The following PRR11 variants were observed in gnomAD, a reference collection of about 807,000 sequenced individuals.
PRR11 encodes the protein proline-rich protein 11.
PRR11 carries 30 observed loss-of-function variants against 45.6 expected under a neutral mutation model. That is an observed-to-expected ratio of 0.66 (90% CI 0.49 to 0.89). The LOEUF is 0.89. Among genes scored for constraint, PRR11 ranks in the 40% least tolerant of loss-of-function variants. The pLI is 0.00. For missense variants in PRR11, 373 were observed against 424.8 expected, an observed-to-expected ratio of 0.88 and a Z score of 1.07; for synonymous variants, 128 against 153.5, an observed-to-expected ratio of 0.83 and a Z score of 1.23.
intron 3 of PRR11, 93 bp downstream of exon 3, chr17:59,185,297 G>A (rs2046808871): frequency 2.0e-6 from 3 of 1,526,676 alleles, no homozygotes; most frequent in Non-Finnish European, 2.7e-6. Context: ...CAACCCTCAA[G>A]CTAAACTTAG....
intron 5 of PRR11, among the ~76,000 whole-genome samples, 155 bp from the exon 6 acceptor site, chr17:59,194,602 C>T (rs1176635185): frequency 2.6e-5 from 4 of 152,014 alleles, no homozygotes; most frequent in East Asian, 1.9e-4. Flanking sequence ...GATAAAAATA[C>T]GATTATTCTT....
intron 4 of PRR11, among the ~76,000 whole-genome samples, chr17:59,186,381 ATTT>A (rs59082405): frequency 1.2e-5 from 1 of 84,610 alleles, no homozygotes; most frequent in Non-Finnish European, 2.3e-5. Context: ...GCTGTTTGTA[ATTT>A]TTTTTTTTTT....
At chr17:59,173,843 C>G (rs556249675) in intron 2 of PRR11, among the ~76,000 whole-genome samples, 87 of 152,300 alleles carry the variant, frequency 5.7e-4, no homozygotes, top group African/African-American at 2.0e-3. Flanking sequence ...CTCCTCTCCT[C>G]CTTCCTGGTG....
intron 2 of PRR11, among the ~76,000 whole-genome samples, chr17:59,174,045 T>A (rs2147840561): frequency 6.6e-6 from 1 of 152,326 alleles, no homozygotes; most frequent in South Asian, 2.1e-4. Context: ...CTCCTGTCCT[T>A]CATTCTATAG....
chr17:59,184,850 G>GTTTTTTT (rs5821252), intron 2 of PRR11, among the ~76,000 whole-genome samples: 2 of 72,692 alleles, frequency 2.8e-5, no homozygotes, highest in African/African-American at 6.1e-5. Flanking sequence ...GCCTGATTAA[G>GTTTTTTT]TTTTTTTTTT....
chr17:59,162,941 G>C (rs961119803), intron 1 of PRR11, among the ~76,000 whole-genome samples: 1 of 151,832 alleles, frequency 6.6e-6, no homozygotes, highest in Non-Finnish European at 1.5e-5. Flanking sequence ...TGTTGGTCAG[G>C]CTGGTCTTGA....
Position 59,180,510 on chromosome 17 carries a change from G to GTTTTTTTTTTT in PRR11, c.129-4536_129-4535insTTTTTTTTTTT, listed in dbSNP as rs1555716481. 2.5e-4 allele frequency among the ~76,000 whole-genome samples: 27 copies of GTTTTTTTTTTT among 108,640 alleles called. 2 individuals carry two copies. The highest frequency in any genetic ancestry group is 1.1e-3 in the African/African-American group (25 of 22,598). The allele number at this position is 108,640 out of a possible 152,430, so 71.3% of individuals were successfully genotyped here. ...GGCCCGTCCTTGTTTTTTTTTTTTT[G>GTTTTTTTTTTT]TTTTTTTTGTTTTTTTTGCCACAGG... is the stretch of plus-strand genomic sequence containing the variant. On this transcript the variant is annotated intron_variant, in intron 2 of 9. Transcript: ENST00000262293.
At chr17:59,172,178 T>C (rs1024114376) in intron 2 of PRR11, among the ~76,000 whole-genome samples, 3 of 152,240 alleles carry the variant, frequency 2.0e-5, no homozygotes, top group Non-Finnish European at 4.4e-5. Context: ...GTGTCTGCAC[T>C]GTGCCTTCAA....
intron 9 of PRR11, among the ~76,000 whole-genome samples, chr17:59,200,293 G>A (rs1351213933): frequency 6.6e-6 from 1 of 152,142 alleles, no homozygotes; most frequent in Non-Finnish European, 1.5e-5. Context: ...GACTATAGTG[G>A]TTTAATCAAA....
chr17:59,204,705 C>T lies in PRR11; in HGVS notation c.*3074C>T, dbSNP rs76113778. The T allele has an allele frequency of 8.8e-6, 1 of 113,168 alleles. No homozygotes were observed. The highest frequency in any genetic ancestry group is 1.8e-5 in the Non-Finnish European group (1 of 54,700). The allele number at this position is 113,168 out of a possible 1,614,324, so 7.0% of individuals were successfully genotyped here. A position where few individuals can be genotyped will look rare whatever the true frequency, so the allele number is the denominator to read the frequency against. On this transcript the variant is annotated 3_prime_UTR_variant, in exon 10 of 10. Coordinates refer to ENST00000262293, the MANE Select transcript of PRR11 (RefSeq NM_018304.4). Reference sequence around the variant, plus strand: ...TGGACAACAGAGTGAGACCCTGTGTCAAAAAAAAAAAAAAGAAAGAAAGAA... The same window carrying T: ...TGGACAACAGAGTGAGACCCTGTGTTAAAAAAAAAAAAAAGAAAGAAAGAA...
chr17:59,174,276 G>A (rs1213670436), intron 2 of PRR11, among the ~76,000 whole-genome samples: 3 of 152,180 alleles, frequency 2.0e-5, no homozygotes, highest in Non-Finnish European at 4.4e-5. Flanking sequence ...TCGTAACCAT[G>A]CTAGATCCGT....
chr17:59,183,602 G>T (rs934850935), intron 2 of PRR11, among the ~76,000 whole-genome samples: 1 of 152,242 alleles, frequency 6.6e-6, no homozygotes, highest in Non-Finnish European at 1.5e-5. Flanking sequence ...ATAGGAAACT[G>T]CCCATGAGCT....
In PRR11 at chr17:59,202,739, G is replaced by A. The variant is rs9908279; in HGVS notation, c.*1108G>A. On this transcript the variant is annotated 3_prime_UTR_variant, in exon 10 of 10. Transcript: ENST00000262293. ...ACATGAACCTTATATTTTCGACAAT[G>A]CCTTGCCAAGGAATCTCTGAAGTCC... The A allele has an allele frequency of 0.4, 60,338 of 151,942 alleles. 12,720 individuals are homozygous for A. The highest frequency in any genetic ancestry group is 0.54 in the African/African-American group (22,503 of 41,414). The allele number at this position is 151,942 out of a possible 1,614,324, so 9.4% of individuals were successfully genotyped here. A position where few individuals can be genotyped will look rare whatever the true frequency, so the allele number is the denominator to read the frequency against.
intron 9 of PRR11, among the ~76,000 whole-genome samples, chr17:59,199,385 G>A (rs974701723): frequency 2.6e-5 from 4 of 152,190 alleles, no homozygotes; most frequent in Admixed American, 6.5e-5. Flanking sequence ...CAGAGAGGGA[G>A]CCCAATGGTG....
chr17:59,178,946 T>G (rs1326119337), intron 2 of PRR11, among the ~76,000 whole-genome samples: 1 of 152,180 alleles, frequency 6.6e-6, no homozygotes, highest in Non-Finnish European at 1.5e-5. Flanking sequence ...GACATTAAGT[T>G]TCAGAGGGCA....
chr17:59,180,502 T>TTTTTTTTG (rs2046776989), intron 2 of PRR11, among the ~76,000 whole-genome samples: 1 of 95,026 alleles, frequency 1.1e-5, no homozygotes, highest in Non-Finnish European at 1.9e-5. Context: ...CCTTGTTTTT[T>TTTTTTTTG]TTTTTTTGTT....
rs2046808226 is a variant in PRR11, at chr17:59,185,163, G to T, written c.238G>T (p.Val80Leu). The change falls in exon 3 of 10, where the codon GTA becomes TTA. Residue 80 changes from valine to leucine, a missense_variant. Val to Leu is a conservative substitution (Grantham distance 32). Coordinates refer to ENST00000262293, the MANE Select transcript of PRR11 (RefSeq NM_018304.4). ...RDAIKLWTNR[V>L]WSIYSWCQNC... ...TGCAATAAAACTTTGGACAAATAGA[G>T]TATGGTCTATATACAGCTGGTGCCA... 1 of 1,613,924 alleles carries T rather than the reference G, an allele frequency of 6.2e-7. No individual in the cohort carries two copies. Among genetic ancestry groups the T allele is most frequent in the Non-Finnish European group, 8.5e-7 (1 of 1,179,936 alleles).
chr17:59,164,217 G>A (rs1483327886), intron 1 of PRR11, among the ~76,000 whole-genome samples: 1 of 152,272 alleles, frequency 6.6e-6, no homozygotes, highest in East Asian at 1.9e-4. Context: ...AGACCATATG[G>A]CCTGCAAAAC....
chr17:59,160,356 C>T (rs1345853923), intron 1 of PRR11, among the ~76,000 whole-genome samples: 1 of 152,200 alleles, frequency 6.6e-6, no homozygotes, highest in African/African-American at 2.4e-5. Flanking sequence ...CTACAGTATA[C>T]TTCCTCTTGT....
Sources: allele counts gnomAD v4.1 joint callset (sites outside exome capture counted in the v4.1 genomes callset), GRCh38; gene constraint gnomAD v4.1.1; transcripts MANE v1.5; gene names NCBI Gene and HGNC (gene_info 2026-07-23, HGNC 2026-07-21).